F13B: variants seen among roughly 807,000 people sequenced by gnomAD.
F13B encodes the protein TGase.
Under a neutral mutation model 79.8 loss-of-function variants are expected in F13B, and 58 were observed. The observed-to-expected ratio is 0.73, with a 90% CI of 0.59 to 0.90. The LOEUF is 0.90. F13B is among the 40% of genes least tolerant of loss of function. The pLI is 0.00. For synonymous variants in F13B, 283 were observed against 260.3 expected, an observed-to-expected ratio of 1.09 and a Z score of -0.84; for missense variants, 773 against 777.0, an observed-to-expected ratio of 0.99 and a Z score of 0.06.
At chr1:197,044,291 T>C (rs1270075645) in intron 10 of F13B, among the ~76,000 whole-genome samples, 3 of 151,914 alleles carry the variant, frequency 2.0e-5, no homozygotes, top group Admixed American at 6.6e-5. Context: ...CAGTCTGAGA[T>C]CAACCTGTGA....
intron 11 of F13B, among the ~76,000 whole-genome samples, 169 bp from the exon 12 acceptor site, chr1:197,039,580 T>A (rs998419213): frequency 6.6e-6 from 1 of 152,094 alleles, no homozygotes; most frequent in Admixed American, 6.6e-5. Context: ...CTTTTAAAAA[T>A]GCAATATTAT....
intron 10 of F13B, among the ~76,000 whole-genome samples, chr1:197,049,264 A>G (rs1437885464): frequency 6.6e-6 from 1 of 152,030 alleles, no homozygotes; most frequent in Non-Finnish European, 1.5e-5. Flanking sequence ...AATAATAAAG[A>G]TAATAGCATA....
At chr1:197,059,050 C>T (rs540836031) in intron 5 of F13B, among the ~76,000 whole-genome samples, 1 of 151,926 alleles carries the variant, frequency 6.6e-6, no homozygotes, top group African/African-American at 2.4e-5. Flanking sequence ...CCTGTCTCTA[C>T]TAAAAACACA....
chr1:197,060,385 T>G lies in F13B; in HGVS notation c.786A>C (p.Pro262=), dbSNP rs774448665. The G allele has an allele frequency of 2.9e-5, 46 of 1,612,290 alleles. No individual in the cohort carries two copies. In the South Asian group the frequency reaches 4.5e-4, roughly 16 times the overall value. Residue 262 remains proline (P), a synonymous_variant, in exon 5 of 12, where the codon CCA becomes CCC. Coordinates refer to ENST00000367412, the MANE Select transcript of F13B (RefSeq NM_001994.3). Reference sequence around the variant, plus strand: ...ATTTACCTTCGCATACAGGAGATTCTGGGTACCAACCAAAGTTATAGCATT... The same window carrying G: ...ATTTACCTTCGCATACAGGAGATTCGGGGTACCAACCAAAGTTATAGCATT... ...LIQCYNFGWY[P]ESPVCEGRRN...
intron 10 of F13B, among the ~76,000 whole-genome samples, chr1:197,041,394 T>C (rs1655032821): frequency 6.6e-6 from 1 of 152,126 alleles, no homozygotes; most frequent in Non-Finnish European, 1.5e-5. Flanking sequence ...CAAAAAAACC[T>C]CTTCGATTTT....
intron 11 of F13B, chr1:197,040,204 G>C: frequency 7.9e-6 from 2 of 252,998 alleles, no homozygotes; most frequent in Middle Eastern, 1.5e-3. Flanking sequence ...TGTGATTTTT[G>C]TCCTTATCAC....
At position 197,057,439 on chromosome 1, in the gene F13B, G is replaced by A; in HGVS notation, c.832C>T (p.Pro278Ser). Residue 278 changes from proline to serine, a missense_variant, in exon 6 of 12, where the codon CCT becomes TCT. Transcript: ENST00000367412. ...TGAATTTTGGAGTTTATGGGCAGAG[G>A]TGGAGGAGGACATCTGTTTCTTCTT... ...EGRRNRCPPPPLPINSKIQTH... is the reference protein window; with the variant it reads ...EGRRNRCPPPSLPINSKIQTH... 6.2e-7 allele frequency: 1 copy of A among 1,613,840 alleles called. No homozygotes were observed. The highest frequency in any genetic ancestry group is 8.5e-7 in the Non-Finnish European group (1 of 1,179,850).
chr1:197,064,487 T>C (rs901840038), intron 1 of F13B, among the ~76,000 whole-genome samples: 5 of 152,144 alleles, frequency 3.3e-5, no homozygotes, highest in Non-Finnish European at 7.4e-5. Context: ...ATAAACATAA[T>C]ATTGAGTGAA....
intron 2 of F13B, 118 bp from the exon 3 acceptor site, chr1:197,062,087 C>T (rs1655885136): frequency 5.7e-6 from 5 of 876,336 alleles, no homozygotes; most frequent in Admixed American, 4.6e-5. Flanking sequence ...GAAATATCTG[C>T]ATAATTTTTT....
intron 9 of F13B, 39 bp from the exon 10 acceptor site, chr1:197,050,918 T>C (rs767353889): frequency 6.6e-7 from 1 of 1,520,336 alleles, no homozygotes; most frequent in Non-Finnish European, 9.1e-7. Context: ...TGAATTGCTA[T>C]AATGAACATC....
chr1:197,066,197 C>A (rs1656043895), intron 1 of F13B, among the ~76,000 whole-genome samples: 1 of 152,034 alleles, frequency 6.6e-6, no homozygotes, highest in Non-Finnish European at 1.5e-5. Flanking sequence ...AAGATTAATT[C>A]TGTGTCTTTC....
At chr1:197,043,085 C>T (rs577046412) in intron 10 of F13B, among the ~76,000 whole-genome samples, 1 of 152,164 alleles carries the variant, frequency 6.6e-6, no homozygotes, top group African/African-American at 2.4e-5. Flanking sequence ...TAAGGTACTG[C>T]TTATCCTTGA....
chr1:197,047,613 C>A (rs1655280194), intron 10 of F13B, among the ~76,000 whole-genome samples: 1 of 152,112 alleles, frequency 6.6e-6, no homozygotes, highest in Non-Finnish European at 1.5e-5. Context: ...ACTAGAAATA[C>A]CATTTGACCT....
At chr1:197,044,891 C>T (rs1218873295) in intron 10 of F13B, among the ~76,000 whole-genome samples, 1 of 152,036 alleles carries the variant, frequency 6.6e-6, no homozygotes, top group Admixed American at 6.6e-5. Flanking sequence ...AACTGAACAG[C>T]CTACTCCTGA....
At chr1:197,052,112 G>A (rs1168932744) in intron 9 of F13B, among the ~76,000 whole-genome samples, 1 of 152,130 alleles carries the variant, frequency 6.6e-6, no homozygotes, top group African/African-American at 2.4e-5. Flanking sequence ...CCTATGTCCT[G>A]AATGGTATTG....
Position 197,057,185 on chromosome 1 carries a change from C to T in F13B, c.999G>A (p.Lys333=), listed in dbSNP as rs752538346. The stretch of plus-strand genomic sequence containing the variant: ...TGAAGGGTGGTTCCTCACAGGCTAC[C>T]TTCTCCTGTCCTTCTGAAAAGGTAC... ...EPPKCIEGQE[K]VACEEPPFIE... The change falls in exon 7 of 12, where the codon AAG becomes AAA. Residue 333 remains lysine (K), a synonymous_variant. Transcript: ENST00000367412. The T allele has an allele frequency of 4.3e-6, 7 of 1,613,732 alleles. No homozygotes were observed. The Admixed American group carries it at 1.2e-4, about 27-fold the overall frequency.
chr1:197,060,551 A>G lies in F13B; in HGVS notation c.629-9T>C, dbSNP rs758701630. The G allele has an allele frequency of 2.0e-6, 3 of 1,530,714 alleles. No individual in the cohort carries two copies. The highest frequency in any genetic ancestry group is 2.3e-5 in the South Asian group (2 of 86,308). The allele number at this position is 1,530,714 out of a possible 1,614,324, so 94.8% of individuals were successfully genotyped here. A position where few individuals can be genotyped will look rare whatever the true frequency, so the allele number is the denominator to read the frequency against. ...AGAAGAGCACTTTAATTCTGCAAAT[A>G]AAAGAATGAATAAAATTACAAACAA... is the stretch of plus-strand genomic sequence containing the variant. On this transcript the variant is annotated splice_polypyrimidine_tract_variant and intron_variant, in intron 4 of 11. Transcript: ENST00000367412.
chr1:197,042,283 A>T (rs960752475), intron 10 of F13B, among the ~76,000 whole-genome samples: 2 of 152,228 alleles, frequency 1.3e-5, no homozygotes, highest in Admixed American at 1.3e-4. Flanking sequence ...ATGAAGTCGA[A>T]TAGCACTATA....
At chr1:197,053,036 A>T (rs1288203867) in intron 8 of F13B, among the ~76,000 whole-genome samples, 2 of 152,012 alleles carry the variant, frequency 1.3e-5, no homozygotes, top group Non-Finnish European at 2.9e-5. Context: ...ATTGTCATAA[A>T]CTAAAACCAC....
Sources: allele counts gnomAD v4.1 joint callset (sites outside exome capture counted in the v4.1 genomes callset), GRCh38; gene constraint gnomAD v4.1.1; transcripts MANE v1.5; gene names NCBI Gene and HGNC (gene_info 2026-07-23, HGNC 2026-07-21).